RSF1: variants seen among roughly 807,000 people sequenced by gnomAD.
The protein encoded by RSF1 is remodeling and spacing factor 1, also known as HBV pX-associated protein 8.
Under a neutral mutation model 145.2 loss-of-function variants are expected in RSF1, and 13 were observed. That is an observed-to-expected ratio of 0.09 (90% CI 0.06 to 0.14). RSF1 has a LOEUF of 0.14. Ranked by LOEUF, RSF1 falls within the 10% of genes least tolerant of loss-of-function variation. The probability of loss-of-function intolerance (pLI) is 1.00; values close to 1 mark genes in which losing one functional copy is unlikely to be tolerated. For synonymous variants in RSF1, 577 were observed against 592.6 expected, an observed-to-expected ratio of 0.97 and a Z score of 0.38; for missense variants, 1,517 against 1,718.2, an observed-to-expected ratio of 0.88 and a Z score of 2.07.
At chr11:77,732,592 G>C (rs1376221020) in intron 4 of RSF1, among the ~76,000 whole-genome samples, 1 of 152,168 alleles carries the variant, frequency 6.6e-6, no homozygotes, top group Non-Finnish European at 1.5e-5. Flanking sequence ...GGTGGAAGGC[G>C]ATTGAATTAA....
intron 1 of RSF1, among the ~76,000 whole-genome samples, chr11:77,783,807 A>C (rs1163927605): frequency 6.6e-6 from 1 of 152,028 alleles, no homozygotes. Flanking sequence ...ACTCCACTGC[A>C]CTCCAGCCTG....
chr11:77,677,094 C>A (rs1255301263), intron 12 of RSF1, 95 bp from the exon 13 acceptor site: 2 of 903,098 alleles, frequency 2.2e-6, no homozygotes, highest in East Asian at 2.4e-5. Context: ...TCATGCTTAG[C>A]AGCTCTTCAT....
chr11:77,828,670 GA>G, the RSF1 span, among the ~76,000 whole-genome samples: 2,793 of 83,842 alleles, frequency 0.033, 65 homozygotes, highest in African/African-American at 0.1. Context: ...ACTCCATCTC[GA>G]AAAAAAAAAA....
chr11:77,814,360 G>C (rs768047709), intron 1 of RSF1, among the ~76,000 whole-genome samples: 2 of 151,978 alleles, frequency 1.3e-5, no homozygotes, highest in African/African-American at 4.8e-5. Flanking sequence ...AAAATTAGCT[G>C]GGCATGGTGG....
intron 1 of RSF1, among the ~76,000 whole-genome samples, chr11:77,811,573 A>C (rs1054771284): frequency 6.6e-6 from 1 of 152,206 alleles, no homozygotes; most frequent in Non-Finnish European, 1.5e-5. Context: ...TGACGGGTAC[A>C]GTGAGCAGGC....
chr11:77,780,008 C>G (rs757742891), intron 1 of RSF1, among the ~76,000 whole-genome samples: 2 of 152,172 alleles, frequency 1.3e-5, no homozygotes, highest in Non-Finnish European at 2.9e-5. Flanking sequence ...ATCTTTTTAT[C>G]CCACTTAATC....
rs377209992 is a variant in RSF1, at chr11:77,666,404, A to T, written c.*513T>A. Reference sequence around the variant, plus strand: ...AAATGACTTATGTATGATGTTATCTACAATTCTCAAACTGTAACAGTACAG... The same window carrying T: ...AAATGACTTATGTATGATGTTATCTTCAATTCTCAAACTGTAACAGTACAG... On this transcript the variant is annotated 3_prime_UTR_variant, in exon 16 of 16. Transcript: ENST00000308488. 2 of 152,616 alleles carry T rather than the reference A, an allele frequency of 1.3e-5. No homozygotes were observed. Among genetic ancestry groups the T allele is most frequent in the South Asian group, 4.1e-4 (2 of 4,834 alleles). 9.5% of individuals were successfully genotyped at this position (152,616 alleles called of 1,614,324 possible). A position where few individuals can be genotyped will look rare whatever the true frequency, so the allele number is the denominator to read the frequency against.
the RSF1 span, among the ~76,000 whole-genome samples, chr11:77,862,128 G>A: frequency 3.9e-5 from 6 of 152,106 alleles, no homozygotes; most frequent in Admixed American, 1.3e-4. Context: ...AATGTTTGCG[G>A]CACCAATCTG....
intron 1 of RSF1, among the ~76,000 whole-genome samples, chr11:77,806,300 A>G (rs1363653150): frequency 3.3e-5 from 5 of 152,218 alleles, no homozygotes; most frequent in African/African-American, 9.6e-5. Flanking sequence ...GATAAATAAA[A>G]AATTGAATTT....
intron 1 of RSF1, among the ~76,000 whole-genome samples, chr11:77,798,131 A>AT (rs1482281375): frequency 6.6e-6 from 1 of 152,230 alleles, no homozygotes; most frequent in African/African-American, 2.4e-5. Flanking sequence ...TAGAAATACC[A>AT]TTTGACCCAG....
chr11:77,871,914 T>C, the RSF1 span, among the ~76,000 whole-genome samples: 54 of 152,310 alleles, frequency 3.5e-4, 2 homozygotes, highest in South Asian at 0.011. Flanking sequence ...AGGATGTAAA[T>C]CCAAGGCTAA....
chr11:77,829,282 C>T, the RSF1 span, among the ~76,000 whole-genome samples: 5 of 152,140 alleles, frequency 3.3e-5, no homozygotes, highest in Admixed American at 2.6e-4. Flanking sequence ...AAAGCCCTCA[C>T]GAGATACCAG....
intron 1 of RSF1, among the ~76,000 whole-genome samples, chr11:77,812,949 G>A (rs185420695): frequency 7.8e-4 from 116 of 149,496 alleles, no homozygotes; most frequent in Middle Eastern, 7.2e-3. Context: ...CACAACTCAT[G>A]TTCTTACACT....
At chr11:77,678,440 C>G (rs1959772018) in intron 11 of RSF1, among the ~76,000 whole-genome samples, 2 of 152,104 alleles carry the variant, frequency 1.3e-5, no homozygotes, top group African/African-American at 4.8e-5. Flanking sequence ...TGGTCTCGAT[C>G]TCGACCTCGT....
At chr11:77,835,349 GA>G in the RSF1 span, among the ~76,000 whole-genome samples, 1 of 152,126 alleles carries the variant, frequency 6.6e-6, no homozygotes, top group Non-Finnish European at 1.5e-5. Context: ...CTGTGAGGCT[GA>G]AACCTGGAAG....
chr11:77,827,103 CA>C, the RSF1 span, among the ~76,000 whole-genome samples: 72 of 144,102 alleles, frequency 5.0e-4, no homozygotes, highest in East Asian at 8.3e-4. Context: ...AAACTCGTCT[CA>C]AAAAAAAAAA....
At position 77,820,607 on chromosome 11, in the gene RSF1, C is replaced by T; in HGVS notation, c.108G>A (p.Leu36=). 6.4e-7 allele frequency: 1 copy of T among 1,567,116 alleles called. No individual in the cohort carries two copies. The highest frequency in any genetic ancestry group is 8.6e-7 in the Non-Finnish European group (1 of 1,157,676). Residue 36 remains leucine (L), a synonymous_variant, in exon 1 of 16, where the codon CTG becomes CTA. Transcript: ENST00000308488. ...GGAACGGCAACTCAGGCAGGTCTAG[C>T]AGCGGCCCGTAGCGCTCCAAGAAGG... is the stretch of plus-strand genomic sequence containing the variant. The part of the protein sequence containing the change: ...VCSFLERYGP[L]LDLPELPFPE...
upstream of RSF1, chr11:77,821,251 C>CTAT (rs1948883931): frequency 2.6e-5 from 6 of 228,744 alleles, no homozygotes; most frequent in Middle Eastern, 1.4e-3. Context: ...GGTGAGTTTG[C>CTAT]GGGGGAATCC....
At position 77,662,927 on chromosome 11, in the gene RSF1, G is replaced by C. The variant is rs1043574140; in HGVS notation, c.*3990C>G. Reference sequence around the variant, plus strand: ...TAATTAAATGATGTTCATAATATTTGTATCTGTTGCAATGCAGCCATCTTA... The same window carrying C: ...TAATTAAATGATGTTCATAATATTTCTATCTGTTGCAATGCAGCCATCTTA... On this transcript the variant is annotated 3_prime_UTR_variant, in exon 16 of 16. Coordinates refer to ENST00000308488, the MANE Select transcript of RSF1 (RefSeq NM_016578.4). The C allele has an allele frequency of 4.6e-5, 7 of 152,148 alleles. No homozygotes were observed. The highest frequency in any genetic ancestry group is 8.8e-5 in the Non-Finnish European group (6 of 68,006). The allele number at this position is 152,148 out of a possible 1,614,324, so 9.4% of individuals were successfully genotyped here. A position where few individuals can be genotyped will look rare whatever the true frequency, so the allele number is the denominator to read the frequency against.
Sources: gnomAD v4.1 joint callset for allele counts (sites outside exome capture counted in the v4.1 genomes callset) on GRCh38, gnomAD v4.1.1 for gene constraint, MANE v1.5 for transcripts, NCBI Gene and HGNC (gene_info 2026-07-23, HGNC 2026-07-21) for gene names.